Variants in SOX6 observed in about 807,000 individuals in gnomAD.
SOX6 encodes transcription factor SOX-6.
SOX6 carries 11 observed loss-of-function variants against 97.8 expected under a neutral mutation model. That is an observed-to-expected ratio of 0.11 (90% confidence interval 0.07 to 0.19). The LOEUF is 0.19. Among genes scored for constraint, SOX6 ranks in the 10% least tolerant of loss-of-function variants. The pLI, the probability that SOX6 is intolerant of heterozygous loss-of-function variation, is 1.00. For missense variants in SOX6, 810 were observed against 1,039.5 expected (o/e 0.78, Z 3.04); for synonymous variants, 360 against 371.4 (o/e 0.97, Z 0.35).
intron 3 of SOX6, among the ~76,000 whole-genome samples, chr11:16,258,062 C>G (rs1853749962): frequency 6.6e-6 from 1 of 151,928 alleles, no homozygotes; most frequent in Admixed American, 6.6e-5. Flanking sequence ...ACTGATAATA[C>G]CAAATGCTGG....
chr11:16,316,205 T>C (rs1259849748), intron 3 of SOX6: 1 of 152,040 alleles, frequency 6.6e-6, no homozygotes, highest in African/African-American at 2.4e-5. Context: ...AACTTGATAA[T>C]AAGATCTATT....
chr11:16,101,841 TA>T (rs1347335118), intron 7 of SOX6, among the ~76,000 whole-genome samples: 1 of 151,736 alleles, frequency 6.6e-6, no homozygotes, highest in Non-Finnish European at 1.5e-5. Context: ...CCTTTGTGAT[TA>T]AAACCCTCAG....
At chr11:16,264,351 AT>A (rs1854004360) in intron 3 of SOX6, 1 of 151,938 alleles carries the variant, frequency 6.6e-6, no homozygotes, top group Non-Finnish European at 1.5e-5. Flanking sequence ...TTCTATAAAC[AT>A]TCTTCTAAAT....
intron 3 of SOX6, among the ~76,000 whole-genome samples, chr11:16,628,304 A>C (rs188772804): frequency 2.3e-4 from 35 of 152,324 alleles, no homozygotes; most frequent in African/African-American, 7.9e-4. Context: ...TATGAACTTT[A>C]AAATAGTCTT....
intron 13 of SOX6, among the ~76,000 whole-genome samples, chr11:15,994,486 G>T (rs1403871154): frequency 6.6e-6 from 1 of 150,850 alleles, no homozygotes; most frequent in Non-Finnish European, 1.5e-5. Flanking sequence ...AAAGTAAATA[G>T]GGACCAAATT....
intron 4 of SOX6, among the ~76,000 whole-genome samples, chr11:16,596,220 A>G (rs1311922507): frequency 1.3e-5 from 2 of 152,216 alleles, no homozygotes; most frequent in South Asian, 2.1e-4. Context: ...ATCAGTTCAT[A>G]TATTAATAAG....
chr11:15,991,123 A>G (rs1055178195), intron 13 of SOX6, among the ~76,000 whole-genome samples: 14 of 152,344 alleles, frequency 9.2e-5, no homozygotes, highest in African/African-American at 3.1e-4. Flanking sequence ...TTTTATAAAC[A>G]GCCCTTCTTT....
chr11:16,071,912 A>C lies in SOX6; in HGVS notation c.1102-16011T>G, dbSNP rs538365697. Reference sequence around the variant, plus strand: ...CCCCCAAGGGCATCTAAGAAGATTAAAAAAAAAAAAAAGAAAAACATTCAA... The same window carrying C: ...CCCCCAAGGGCATCTAAGAAGATTACAAAAAAAAAAAAGAAAAACATTCAA... On this transcript the variant is annotated intron_variant, in intron 9 of 15. Transcript: ENST00000683767. Among the ~76,000 whole-genome samples the C allele has an allele frequency of 3.8e-3, 549 of 144,966 alleles. 2 individuals are homozygous for C. The highest frequency in any genetic ancestry group is 6.2e-3 in the Non-Finnish European group (411 of 65,824).
intron 12 of SOX6, among the ~76,000 whole-genome samples, chr11:16,019,106 C>T (rs1478177138): frequency 6.6e-6 from 1 of 152,060 alleles, no homozygotes; most frequent in African/African-American, 2.4e-5. Context: ...TCCTGAAAAA[C>T]AACACGTGAA....
At chr11:16,013,834 T>G (rs77261325) in intron 13 of SOX6, among the ~76,000 whole-genome samples, 1,929 of 152,110 alleles carry the variant, frequency 0.013, 43 homozygotes, top group African/African-American at 0.044. Context: ...ATTTCTGGGC[T>G]GCCTGGGATG....
At chr11:16,505,513 G>A (rs766257643) in intron 4 of SOX6, among the ~76,000 whole-genome samples, 1 of 152,152 alleles carries the variant, frequency 6.6e-6, no homozygotes, top group Non-Finnish European at 1.5e-5. Flanking sequence ...AAAATTTGCA[G>A]CCTGGCCATG....
intron 3 of SOX6, among the ~76,000 whole-genome samples, chr11:16,645,007 C>G (rs558862078): frequency 6.9e-4 from 105 of 152,282 alleles, no homozygotes; most frequent in African/African-American, 2.4e-3. Flanking sequence ...CTTTTAATTA[C>G]GTCTTTTCCC....
intron 4 of SOX6, among the ~76,000 whole-genome samples, chr11:16,595,771 T>C (rs1369540538): frequency 2.0e-5 from 3 of 152,052 alleles, no homozygotes; most frequent in Non-Finnish European, 4.4e-5. Flanking sequence ...ACCCCGTCTC[T>C]TAAAAACACA....
intron 3 of SOX6, among the ~76,000 whole-genome samples, chr11:16,623,041 A>C (rs970602922): frequency 4.6e-5 from 7 of 151,092 alleles, no homozygotes; most frequent in Non-Finnish European, 7.4e-5. Context: ...TTTTTTTTTT[A>C]ATGGAGTCTC....
chr11:16,141,766 A>T (rs991561935), intron 6 of SOX6, among the ~76,000 whole-genome samples: 1 of 152,152 alleles, frequency 6.6e-6, no homozygotes, highest in Non-Finnish European at 1.5e-5. Context: ...CTAGCACAGC[A>T]GTCTGAGATC....
At chr11:16,570,199 G>A (rs1448662711) in intron 4 of SOX6, among the ~76,000 whole-genome samples, 1 of 151,944 alleles carries the variant, frequency 6.6e-6, no homozygotes, top group Non-Finnish European at 1.5e-5. Context: ...GCAATTGATC[G>A]TATACTCTCT....
intron 10 of SOX6, 133 bp from the exon 11 acceptor site, chr11:16,050,071 T>C: frequency 1.1e-6 from 1 of 897,800 alleles, no homozygotes; most frequent in South Asian, 1.4e-5. Flanking sequence ...AAGAAGCTAA[T>C]TATCTACCTC....
chr11:16,228,795 A>C (rs1053172195), intron 4 of SOX6, among the ~76,000 whole-genome samples: 4 of 152,184 alleles, frequency 2.6e-5, no homozygotes, highest in African/African-American at 9.7e-5. Context: ...GACAATAAAA[A>C]AAGAATATTA....
chr11:16,500,875 C>T (rs961480836), intron 4 of SOX6, among the ~76,000 whole-genome samples: 31 of 152,178 alleles, frequency 2.0e-4, no homozygotes, highest in Admixed American at 3.9e-4. Flanking sequence ...GTGAAAATGG[C>T]CATACTGCCC....
Sources: allele counts gnomAD v4.1 joint callset (sites outside exome capture counted in the v4.1 genomes callset), GRCh38; gene constraint gnomAD v4.1.1; transcripts MANE v1.5; gene names NCBI Gene and HGNC (gene_info 2026-07-23, HGNC 2026-07-21).